FANK1: variants seen among roughly 807,000 people sequenced by gnomAD.
FANK1 encodes fibronectin type 3 and ankyrin repeat domains protein 1.
FANK1 carries 44 observed loss-of-function variants against 45.3 expected under a neutral mutation model. That is an observed-to-expected ratio of 0.97 (90% CI 0.76 to 1.25). The LOEUF (loss-of-function observed/expected upper bound fraction) is 1.25, where lower values mean the gene tolerates loss of function less well. Ranked by LOEUF, FANK1 falls within the 50% of genes most tolerant of loss-of-function variation. The pLI is 0.00. For synonymous variants in FANK1, 149 were observed against 152.5 expected (o/e 0.98, Z 0.17); for missense variants, 391 against 424.4 (o/e 0.92, Z 0.69).
intron 1 of FANK1, among the ~76,000 whole-genome samples, chr10:125,919,668 C>G (rs1946802167): frequency 6.6e-6 from 1 of 152,082 alleles, no homozygotes; most frequent in South Asian, 2.1e-4. Flanking sequence ...AGGAGCAAGT[C>G]TTTGTGGAAT....
At chr10:125,915,353 A>G (rs1396635788) in intron 1 of FANK1, among the ~76,000 whole-genome samples, 1 of 152,238 alleles carries the variant, frequency 6.6e-6, no homozygotes, top group Non-Finnish European at 1.5e-5. Context: ...CACATCTATT[A>G]CTCAGAATAT....
intron 6 of FANK1, among the ~76,000 whole-genome samples, chr10:125,998,132 A>G (rs557207581): frequency 3.3e-5 from 5 of 152,348 alleles, no homozygotes; most frequent in South Asian, 4.1e-4. Flanking sequence ...ACTACTTGCC[A>G]GGTGCTGTGC....
intron 1 of FANK1, among the ~76,000 whole-genome samples, chr10:125,939,004 A>G (rs1379503117): frequency 6.6e-6 from 1 of 152,160 alleles, no homozygotes; most frequent in Non-Finnish European, 1.5e-5. Context: ...AATGAAACAC[A>G]CCAACATCAC....
At chr10:125,922,099 T>G (rs1451240051) in intron 1 of FANK1, among the ~76,000 whole-genome samples, 1 of 152,218 alleles carries the variant, frequency 6.6e-6, no homozygotes, top group East Asian at 1.9e-4. Flanking sequence ...TGTAAGCACA[T>G]ATTTTGATAA....
chr10:126,004,466 A>G (rs1390643227), intron 6 of FANK1: 1 of 158,026 alleles, frequency 6.3e-6, no homozygotes, highest in Non-Finnish European at 1.4e-5. Flanking sequence ...CTTCCAGAAT[A>G]TTCATCCCCT....
chr10:125,995,899 A>T (rs1261686886), intron 4 of FANK1, among the ~76,000 whole-genome samples: 1 of 152,208 alleles, frequency 6.6e-6, no homozygotes, highest in Admixed American at 6.5e-5. Context: ...GTAACACTAG[A>T]GGGGAAATGG....
chr10:125,938,933 C>T (rs1589945823), intron 1 of FANK1, among the ~76,000 whole-genome samples: 2 of 152,150 alleles, frequency 1.3e-5, no homozygotes, highest in South Asian at 2.1e-4. Context: ...TTAATACCTT[C>T]GCAGTGGAGA....
intron 1 of FANK1, among the ~76,000 whole-genome samples, chr10:125,950,520 T>G (rs1018133716): frequency 6.6e-6 from 1 of 152,076 alleles, no homozygotes; most frequent in African/African-American, 2.4e-5. Context: ...GAAAAAATGC[T>G]CATCATCACT....
At chr10:125,899,287 T>C (rs1480482871) in intron 1 of FANK1, among the ~76,000 whole-genome samples, 1 of 152,226 alleles carries the variant, frequency 6.6e-6, no homozygotes, top group Non-Finnish European at 1.5e-5. Context: ...CTTGAACTCC[T>C]AACTTCAGGT....
intron 1 of FANK1, among the ~76,000 whole-genome samples, chr10:125,920,242 T>C (rs1315810454): frequency 6.6e-6 from 1 of 152,236 alleles, no homozygotes; most frequent in Non-Finnish European, 1.5e-5. Flanking sequence ...TACATGTTGC[T>C]TTTATTTTTT....
chr10:125,918,804 A>C (rs951766634), intron 1 of FANK1, among the ~76,000 whole-genome samples: 6 of 151,776 alleles, frequency 4.0e-5, no homozygotes, highest in African/African-American at 1.5e-4. Flanking sequence ...CATAGGCTTT[A>C]TAATGTTATT....
rs111838902 is a variant in FANK1, at chr10:125,901,892, G to A, written c.13+5237G>A. On this transcript the variant is annotated intron_variant, in intron 1 of 10. Coordinates refer to ENST00000368693, the MANE Select transcript of FANK1 (RefSeq NM_145235.5). ...TCCCAGCATTTTGGGAGGCCAAGGCGGGCGGATCACCTGAGGTCAGGAGTT... is the reference window on the plus strand; with the variant it reads ...TCCCAGCATTTTGGGAGGCCAAGGCAGGCGGATCACCTGAGGTCAGGAGTT... 1.5e-3 allele frequency among the ~76,000 whole-genome samples: 228 copies of A among 152,346 alleles called. 1 individual carries two copies. Among genetic ancestry groups the A allele is most frequent in the Non-Finnish European group, 2.9e-3 (194 of 68,038 alleles).
At chr10:125,985,375 T>C (rs1190731719) in intron 2 of FANK1, among the ~76,000 whole-genome samples, 4 of 152,234 alleles carry the variant, frequency 2.6e-5, no homozygotes, top group Non-Finnish European at 5.9e-5. Context: ...TCATTTAACA[T>C]CAAAATCTAC....
At chr10:125,903,093 C>CT (rs1430048805) in intron 1 of FANK1, among the ~76,000 whole-genome samples, 2 of 152,308 alleles carry the variant, frequency 1.3e-5, no homozygotes, top group Non-Finnish European at 2.9e-5. Context: ...GAAGCCGTGT[C>CT]TTTCCCCAAG....
chr10:125,907,270 T>G (rs1217732294), intron 1 of FANK1, among the ~76,000 whole-genome samples: 1 of 152,224 alleles, frequency 6.6e-6, no homozygotes, highest in African/African-American at 2.4e-5. Flanking sequence ...CCTTATATTC[T>G]AACTTGTGCC....
At chr10:125,922,400 G>C (rs1284347662) in intron 1 of FANK1, among the ~76,000 whole-genome samples, 1 of 152,194 alleles carries the variant, frequency 6.6e-6, no homozygotes, top group African/African-American at 2.4e-5. Flanking sequence ...TTACTTTTCA[G>C]AGTACTTGGA....
At chr10:125,996,464 C>G in intron 4 of FANK1, 86 bp from the exon 5 acceptor site, 3 of 1,179,630 alleles carry the variant, frequency 2.5e-6, no homozygotes, top group Middle Eastern at 2.0e-4. Context: ...GTCATTTTAC[C>G]CACCTAAGCC....
chr10:126,006,060 A>C (rs761754633), intron 7 of FANK1, among the ~76,000 whole-genome samples: 1 of 152,268 alleles, frequency 6.6e-6, no homozygotes, highest in Non-Finnish European at 1.5e-5. Flanking sequence ...TGAAGAAATT[A>C]GCTAAAAATT....
intron 1 of FANK1, among the ~76,000 whole-genome samples, chr10:125,971,805 G>A (rs531734115): frequency 1.7e-3 from 266 of 152,086 alleles, no homozygotes; most frequent in African/African-American, 5.9e-3. Flanking sequence ...TGTATTTTTA[G>A]TAGAGACAGG....
Sources: gnomAD v4.1 joint callset for allele counts (sites outside exome capture counted in the v4.1 genomes callset) on GRCh38, gnomAD v4.1.1 for gene constraint, MANE v1.5 for transcripts, NCBI Gene and HGNC (gene_info 2026-07-23, HGNC 2026-07-21) for gene names.